Variants in SERPINA12 observed in about 807,000 individuals in gnomAD.
The protein encoded by SERPINA12 is serpin family A member 12, also known as serpin A12.
A neutral mutation model predicts 25.9 loss-of-function variants in SERPINA12; 21 were observed. The observed-to-expected ratio is 0.81, with a 90% CI of 0.58 to 1.17. SERPINA12 has a LOEUF of 1.17. Ranked by LOEUF, SERPINA12 falls within the 50% of genes most tolerant of loss-of-function variation. SERPINA12 has a pLI of 0.00. For missense variants in SERPINA12, 562 were observed against 508.3 expected, an observed-to-expected ratio of 1.11 and a Z score of -1.02; for synonymous variants, 220 against 196.0, an observed-to-expected ratio of 1.12 and a Z score of -1.02.
At chr14:94,487,767 C>T (rs976052639) in intron 4 of SERPINA12, among the ~76,000 whole-genome samples, 1 of 152,132 alleles carries the variant, frequency 6.6e-6, no homozygotes, top group Non-Finnish European at 1.5e-5. Context: ...GCTTCTCTTT[C>T]TCATGGGTTA....
At chr14:94,504,654 G>A (rs757924598) in intron 1 of SERPINA12, among the ~76,000 whole-genome samples, 2 of 152,340 alleles carry the variant, frequency 1.3e-5, no homozygotes, top group African/African-American at 2.4e-5. Flanking sequence ...AACTAAATGC[G>A]TAGATTCCGT....
At position 94,487,392 on chromosome 14, in the gene SERPINA12, T is replaced by C. The variant is rs972797722; in HGVS notation, c.1156A>G (p.Ile386Val). 1.2e-6 allele frequency: 2 copies of C among 1,614,168 alleles called. No individual in the cohort carries two copies. Among genetic ancestry groups the C allele is most frequent in the Non-Finnish European group, 1.7e-6 (2 of 1,180,030 alleles). ...LPMETPLVVK[I>V]DKPYLLLIYS... ...ATCAGCAGCAGATAGGGTTTGTCTA[T>C]CTTGACGACGAGTGGTGTCTCCATG... The change falls in exon 5 of 5, where the codon ATA (isoleucine) becomes GTA (valine). Residue 386 changes from isoleucine (I) to valine (V), a missense_variant. Ile to Val is a conservative substitution (Grantham distance 29). Coordinates refer to ENST00000677451, the MANE Select transcript of SERPINA12 (RefSeq NM_001382267.1).
chr14:94,508,307 T>G (rs372702035), intron 1 of SERPINA12, among the ~76,000 whole-genome samples: 3 of 152,362 alleles, frequency 2.0e-5, no homozygotes, highest in South Asian at 2.1e-4. Flanking sequence ...GATCCTAGGT[T>G]ACCCTAAAAA....
upstream of SERPINA12, among the ~76,000 whole-genome samples, chr14:94,512,196 CAAAA>C (rs891310212): frequency 6.6e-6 from 1 of 152,108 alleles, no homozygotes; most frequent in South Asian, 2.1e-4. Flanking sequence ...GGCCTCCAAA[CAAAA>C]AAAGCCGCAG....
chr14:94,489,102 A>C (rs1280370283), intron 4 of SERPINA12, among the ~76,000 whole-genome samples: 3 of 151,912 alleles, frequency 2.0e-5, no homozygotes, highest in South Asian at 2.1e-4. Context: ...TTCAAAAAAC[A>C]AAATAAAAGA....
chr14:94,489,701 G>C lies in SERPINA12; in HGVS notation c.972C>G (p.Ser324=). 1 of 1,614,164 alleles carries C rather than the reference G, an allele frequency of 6.2e-7. No individual in the cohort carries two copies. ...CAAAGATTTTGGAGACACCTATGTAGGAGAGAGTCTTCTTCAGGTCGAAGG... is the reference window on the plus strand; with the variant it reads ...CAAAGATTTTGGAGACACCTATGTACGAGAGAGTCTTCTTCAGGTCGAAGG... ...TGTFDLKKTL[S]YIGVSKIFEE... Residue 324 remains serine (S), a synonymous_variant, in exon 4 of 5, where the codon TCC becomes TCG. Transcript: ENST00000677451.
intron 3 of SERPINA12, among the ~76,000 whole-genome samples, chr14:94,491,062 T>C (rs1159667499): frequency 6.6e-6 from 1 of 152,176 alleles, no homozygotes; most frequent in African/African-American, 2.4e-5. Flanking sequence ...AAATTTACCT[T>C]TCCACTCATT....
exon 1 of SERPINA12, chr14:94,517,405 T>G (rs1901263075): frequency 6.6e-6 from 1 of 152,232 alleles, no homozygotes; most frequent in Non-Finnish European, 1.5e-5. Context: ...ACTCACCTTA[T>G]TCATTTACAA....
At chr14:94,509,698 G>C (rs1901058752), upstream of SERPINA12, among the ~76,000 whole-genome samples, 1 of 152,226 alleles carries the variant, frequency 6.6e-6, no homozygotes, top group African/African-American at 2.4e-5. Context: ...AAGGGGCACT[G>C]TGCTAGGTAC....
At position 94,501,332 on chromosome 14, in the gene SERPINA12, T is replaced by C. The variant is rs550045567; in HGVS notation, c.-33-2902A>G. 7.9e-5 allele frequency among the ~76,000 whole-genome samples: 12 copies of C among 152,202 alleles called. 1 individual carries two copies. The highest frequency in any genetic ancestry group is 2.9e-4 in the African/African-American group (12 of 41,530). On this transcript the variant is annotated intron_variant, in intron 1 of 4. Transcript: ENST00000677451. Reference sequence around the variant, plus strand: ...TGAAACCAGCAGCCTGGCAGGAGCCTTGGAGGAGGCCGGGCAGGGCAGGGC... The same window carrying C: ...TGAAACCAGCAGCCTGGCAGGAGCCCTGGAGGAGGCCGGGCAGGGCAGGGC...
intron 1 of SERPINA12, chr14:94,500,768 C>T (rs1226205550): frequency 7.0e-6 from 5 of 716,072 alleles, no homozygotes; most frequent in African/African-American, 1.9e-5. Flanking sequence ...GGGCTGGGTC[C>T]ATGGAAAAAG....
At position 94,489,576 on chromosome 14, in the gene SERPINA12, G is replaced by A. The variant is rs551154153; in HGVS notation, c.1053+44C>T. ...TGGCTCTGGCCCCGGCTGGGGGAAG[G>A]CCCCTGTGCTGCAGGGAGTGGAGTC... is the stretch of plus-strand genomic sequence containing the variant. On this transcript the variant is annotated intron_variant, in intron 4 of 4. Coordinates refer to ENST00000677451, the MANE Select transcript of SERPINA12 (RefSeq NM_001382267.1). 9 of 1,597,550 alleles carry A rather than the reference G, an allele frequency of 5.6e-6. No homozygotes were observed. In the East Asian group the frequency reaches 9.0e-5, roughly 16 times the overall value.
chr14:94,503,871 C>T (rs1900834334), intron 1 of SERPINA12, among the ~76,000 whole-genome samples: 1 of 152,188 alleles, frequency 6.6e-6, no homozygotes, highest in Admixed American at 6.5e-5. Flanking sequence ...CCACTTATGT[C>T]CCAAGACTTC....
chr14:94,493,557 A>G (rs1242096165), intron 3 of SERPINA12, among the ~76,000 whole-genome samples: 1 of 152,170 alleles, frequency 6.6e-6, no homozygotes, highest in Non-Finnish European at 1.5e-5. Context: ...AGCAGCCTAC[A>G]CTTGGACTTC....
intron 2 of SERPINA12, among the ~76,000 whole-genome samples, chr14:94,497,166 G>T (rs1900464331): frequency 6.6e-6 from 1 of 152,166 alleles, no homozygotes; most frequent in Admixed American, 6.5e-5. Flanking sequence ...GTGGTGTTGG[G>T]GGATAAAGTT....
chr14:94,492,971 G>A (rs944334007), intron 3 of SERPINA12, among the ~76,000 whole-genome samples: 3 of 152,308 alleles, frequency 2.0e-5, no homozygotes, highest in East Asian at 1.9e-4. Context: ...GTCATCCGAA[G>A]CCTAAATTCT....
At chr14:94,493,410 A>G (rs1900258502) in intron 3 of SERPINA12, among the ~76,000 whole-genome samples, 2 of 152,102 alleles carry the variant, frequency 1.3e-5, no homozygotes, top group Non-Finnish European at 2.9e-5. Flanking sequence ...GGTGAGAGGA[A>G]CCTTCCTTTC....
intron 4 of SERPINA12, 62 bp from the exon 5 acceptor site, chr14:94,487,556 A>C: frequency 2.8e-6 from 4 of 1,412,870 alleles, no homozygotes; most frequent in Non-Finnish European, 2.9e-6. Context: ...AGTGGGCCGG[A>C]GGCCCAGAGA....
At chr14:94,516,601 T>C (rs1045817747) in intron 1 of SERPINA12, among the ~76,000 whole-genome samples, 7 of 152,164 alleles carry the variant, frequency 4.6e-5, no homozygotes, top group African/African-American at 1.7e-4. Flanking sequence ...AAACCAGAAA[T>C]ACCTTTCTCT....
Sources: gnomAD v4.1 joint callset for allele counts (sites outside exome capture counted in the v4.1 genomes callset) on GRCh38, gnomAD v4.1.1 for gene constraint, MANE v1.5 for transcripts, NCBI Gene and HGNC (gene_info 2026-07-23, HGNC 2026-07-21) for gene names.